Variants in CFAP91 observed in about 807,000 individuals in gnomAD.
CFAP91 encodes the protein cilia- and flagella-associated protein 91.
CFAP91 carries 85 observed loss-of-function variants against 95.9 expected under a neutral mutation model. The observed-to-expected ratio is 0.89, with a 90% CI of 0.74 to 1.06. The LOEUF is 1.06. CFAP91 is among the 50% of genes least tolerant of loss of function. CFAP91 has a pLI of 0.00. For synonymous variants in CFAP91, 335 were observed against 327.5 expected, an observed-to-expected ratio of 1.02 and a Z score of -0.25; for missense variants, 962 against 943.4, an observed-to-expected ratio of 1.02 and a Z score of -0.26.
chr3:119,729,868 C>G (rs1255220308), intron 7 of CFAP91, among the ~76,000 whole-genome samples: 2 of 152,152 alleles, frequency 1.3e-5, no homozygotes, highest in Non-Finnish European at 2.9e-5. Flanking sequence ...TCTTCACTCC[C>G]CCTATTATGT....
intron 10 of CFAP91, among the ~76,000 whole-genome samples, chr3:119,735,211 A>G (rs1261512860): frequency 6.6e-6 from 1 of 151,780 alleles, no homozygotes; most frequent in Admixed American, 6.6e-5. Flanking sequence ...TGAACTTTTG[A>G]TTTTGTTGAT....
At chr3:119,744,594 C>T (rs115021914) in intron 14 of CFAP91, among the ~76,000 whole-genome samples, 63 of 152,082 alleles carry the variant, frequency 4.1e-4, no homozygotes, top group African/African-American at 1.1e-3. Flanking sequence ...GACAGGAAGT[C>T]GAGTATTACA....
At chr3:119,746,244 A>G (rs1206378003) in intron 14 of CFAP91, among the ~76,000 whole-genome samples, 5 of 152,234 alleles carry the variant, frequency 3.3e-5, no homozygotes, top group South Asian at 4.1e-4. Context: ...GGCAGTTACT[A>G]TAATACATGG....
At chr3:119,735,603 T>C (rs932049840) in intron 10 of CFAP91, among the ~76,000 whole-genome samples, 8 of 152,360 alleles carry the variant, frequency 5.3e-5, no homozygotes, top group Admixed American at 5.2e-4. Flanking sequence ...GTCTGTGTGA[T>C]ACCTATCCTT....
At chr3:119,762,422 A>G (rs1198077459) in intron 17 of CFAP91, among the ~76,000 whole-genome samples, 2 of 152,108 alleles carry the variant, frequency 1.3e-5, no homozygotes, top group Admixed American at 6.6e-5. Context: ...AAAGCAATCT[A>G]CAGATTCAAT....
chr3:119,746,651 G>A (rs1469594362), intron 14 of CFAP91, among the ~76,000 whole-genome samples: 1 of 152,180 alleles, frequency 6.6e-6, no homozygotes, highest in Non-Finnish European at 1.5e-5. Flanking sequence ...TGGGTGCTGG[G>A]AAATGTAGTC....
At chr3:119,724,932 CAA>C (rs1466262500) in intron 6 of CFAP91, among the ~76,000 whole-genome samples, 1 of 152,064 alleles carries the variant, frequency 6.6e-6, no homozygotes, top group Non-Finnish European at 1.5e-5. Flanking sequence ...ATATTAAAAA[CAA>C]GAGATAGTGA....
intron 17 of CFAP91, among the ~76,000 whole-genome samples, chr3:119,762,082 T>C (rs1276308406): frequency 6.6e-6 from 1 of 151,822 alleles, no homozygotes; most frequent in African/African-American, 2.4e-5. Context: ...GTCTTATATA[T>C]AGAAAACCCT....
intron 17 of CFAP91, among the ~76,000 whole-genome samples, chr3:119,755,540 T>G (rs2054410044): frequency 6.6e-6 from 1 of 152,154 alleles, no homozygotes; most frequent in African/African-American, 2.4e-5. Flanking sequence ...ATCTTCAATG[T>G]GAAGACACAG....
At chr3:119,732,856 C>T (rs1263870232) in intron 9 of CFAP91, among the ~76,000 whole-genome samples, 4 of 152,068 alleles carry the variant, frequency 2.6e-5, no homozygotes, top group Non-Finnish European at 5.9e-5. Flanking sequence ...GATGGAGAAC[C>T]AGGTGATAAG....
intron 13 of CFAP91, among the ~76,000 whole-genome samples, chr3:119,742,840 C>G (rs2107902561): frequency 6.6e-6 from 1 of 152,300 alleles, no homozygotes; most frequent in African/African-American, 2.4e-5. Context: ...CCTCTGAGAA[C>G]TGAGTATTCC....
chr3:119,705,537 G>C (rs1423435725), intron 1 of CFAP91, among the ~76,000 whole-genome samples: 3 of 152,170 alleles, frequency 2.0e-5, no homozygotes, highest in African/African-American at 7.2e-5. Context: ...TCCCATCCTA[G>C]AATGTTCTTC....
intron 17 of CFAP91, among the ~76,000 whole-genome samples, chr3:119,753,087 G>C (rs1274841767): frequency 6.6e-6 from 1 of 152,132 alleles, no homozygotes; most frequent in African/African-American, 2.4e-5. Context: ...TGAACAGAGA[G>C]CTAATAAAGT....
At chr3:119,756,376 G>A (rs942030730) in intron 17 of CFAP91, among the ~76,000 whole-genome samples, 12 of 152,220 alleles carry the variant, frequency 7.9e-5, no homozygotes, top group Non-Finnish European at 1.2e-4. Context: ...GAATGGCAAC[G>A]AAAGACATTT....
intron 8 of CFAP91, 102 bp downstream of exon 8, chr3:119,730,479 TG>T: frequency 8.3e-7 from 1 of 1,204,042 alleles, no homozygotes; most frequent in Non-Finnish European, 1.2e-6. Flanking sequence ...GTTTTGGTCC[TG>T]GGAATCACAT....
chr3:119,726,398 G>A, intron 7 of CFAP91, 50 bp downstream of exon 7: 1 of 1,501,024 alleles, frequency 6.7e-7, no homozygotes, highest in Non-Finnish European at 9.0e-7. Flanking sequence ...TGGGAATAAT[G>A]TTAATACTTT....
intron 2 of CFAP91, chr3:119,707,146 A>G (rs765866652): frequency 1.1e-5 from 6 of 542,788 alleles, no homozygotes; most frequent in Non-Finnish European, 2.0e-5. Context: ...CCATGTTAAA[A>G]GAATTCAAGT....
intron 3 of CFAP91, among the ~76,000 whole-genome samples, chr3:119,708,109 G>A (rs1225051280): frequency 3.3e-5 from 5 of 151,800 alleles, no homozygotes; most frequent in African/African-American, 7.3e-5. Flanking sequence ...GTGAAACCCC[G>A]TCTCTACTAA....
chr3:119,724,186 T>G (rs967895702), intron 6 of CFAP91, among the ~76,000 whole-genome samples: 1 of 145,512 alleles, frequency 6.9e-6, no homozygotes. Context: ...AAAAAAAAAG[T>G]GCTTGGCATA....
Sources: gnomAD v4.1 joint callset for allele counts (sites outside exome capture counted in the v4.1 genomes callset) on GRCh38, gnomAD v4.1.1 for gene constraint, MANE v1.5 for transcripts, NCBI Gene and HGNC (gene_info 2026-07-23, HGNC 2026-07-21) for gene names.